The following TENM4 variants were observed in gnomAD, a reference collection of about 807,000 sequenced individuals.
TENM4 encodes teneurin transmembrane protein 4, also known as teneurin-4.
Under a neutral mutation model 243.3 loss-of-function variants are expected in TENM4, and 82 were observed. The ratio of observed to expected loss-of-function variants is 0.34; its 90% CI spans 0.28 to 0.40. The LOEUF is 0.40. TENM4 is among the 10% of genes least tolerant of loss of function. The pLI is 1.00. For missense variants in TENM4, 3,138 were observed against 3,673.3 expected (o/e 0.85, Z 3.77); for synonymous variants, 1,412 against 1,456.3 (o/e 0.97, Z 0.69).
intron 1 of TENM4, among the ~76,000 whole-genome samples, chr11:79,348,278 C>G (rs1857362135): frequency 6.6e-6 from 1 of 152,172 alleles, no homozygotes; most frequent in Non-Finnish European, 1.5e-5. Context: ...GTGTGCAGTA[C>G]TGCCATGGTG....
intron 6 of TENM4, among the ~76,000 whole-genome samples, chr11:78,996,930 G>A (rs775007255): frequency 1.3e-5 from 2 of 152,090 alleles, no homozygotes; most frequent in Non-Finnish European, 2.9e-5. Flanking sequence ...CAAGGGGTGC[G>A]ATGTGAAGGT....
At chr11:78,935,756 T>A (rs1381283403) in intron 6 of TENM4, among the ~76,000 whole-genome samples, 1 of 152,200 alleles carries the variant, frequency 6.6e-6, no homozygotes, top group Non-Finnish European at 1.5e-5. Flanking sequence ...GTAGGAACCA[T>A]CAACTTGACA....
intron 19 of TENM4, among the ~76,000 whole-genome samples, chr11:78,752,386 C>T (rs997232623): frequency 1.3e-5 from 2 of 152,154 alleles, no homozygotes; most frequent in African/African-American, 4.8e-5. Flanking sequence ...ATTCCCCTCC[C>T]TCCTCTGGTC....
At chr11:78,724,029 C>T (rs537134197) in intron 23 of TENM4, among the ~76,000 whole-genome samples, 1 of 151,232 alleles carries the variant, frequency 6.6e-6, no homozygotes, top group African/African-American at 2.4e-5. Context: ...CCCTCCTTCC[C>T]TCCCTTCCTT....
chr11:79,006,226 C>T (rs1240941489), intron 6 of TENM4, among the ~76,000 whole-genome samples: 1 of 152,148 alleles, frequency 6.6e-6, no homozygotes, highest in Non-Finnish European at 1.5e-5. Context: ...ACCCCCTACT[C>T]AGTACCTCCC....
chr11:79,104,869 C>T (rs1032117498), intron 4 of TENM4, among the ~76,000 whole-genome samples: 1 of 152,202 alleles, frequency 6.6e-6, no homozygotes, highest in Admixed American at 6.5e-5. Context: ...GTGGGCTCAT[C>T]TCCATCCCTT....
intron 9 of TENM4, among the ~76,000 whole-genome samples, chr11:78,879,616 C>T (rs190688952): frequency 3.0e-4 from 43 of 141,050 alleles, no homozygotes; most frequent in African/African-American, 1.1e-3. Context: ...TCTGCCCGGC[C>T]GCCCCGTCTG....
chr11:79,021,621 A>T (rs1267011655), intron 6 of TENM4: 1 of 152,338 alleles, frequency 6.6e-6, no homozygotes, highest in African/African-American at 2.4e-5. Context: ...CTGCCTTTAG[A>T]GGCCAGAAAG....
intron 2 of TENM4, among the ~76,000 whole-genome samples, chr11:79,276,516 C>T (rs1027853782): frequency 1.3e-4 from 20 of 152,184 alleles, no homozygotes. Context: ...AGAGCTGCTG[C>T]TAGGGATACA....
In TENM4 at chr11:78,676,304, T is replaced by C; in HGVS notation, c.5344A>G (p.Thr1782Ala). The C allele has an allele frequency of 2.5e-6, 4 of 1,612,622 alleles. No homozygotes were observed. Among genetic ancestry groups the C allele is most frequent in the African/African-American group, 1.3e-5 (1 of 75,006 alleles). Residue 1782 changes from threonine to alanine, a missense_variant, in exon 30 of 34, where the codon ACT (threonine) becomes GCT (alanine). By Grantham distance (58) the Thr-to-Ala change is moderately conservative (BLOSUM62 0). This residue lies in a region of TENM4 where 2,467 missense variants were observed against 3,059.1 expected (regional missense o/e 0.81). Transcript: ENST00000278550. Reference protein sequence around the residue: ...LANGMEVALQTEPHLLAGTVN... With the variant: ...LANGMEVALQAEPHLLAGTVN... Reference sequence around the variant, plus strand: ...GTGCCAGCCAGCAAGTGGGGCTCAGTCTGCAGCGCCACCTCCATGCCGTTG... The same window carrying C: ...GTGCCAGCCAGCAAGTGGGGCTCAGCCTGCAGCGCCACCTCCATGCCGTTG...
chr11:79,299,087 TAC>T (rs1856509213), intron 1 of TENM4, among the ~76,000 whole-genome samples: 1 of 141,440 alleles, frequency 7.1e-6, no homozygotes, highest in East Asian at 2.1e-4. Flanking sequence ...CACACACACA[TAC>T]ACACACACAT....
chr11:79,262,415 G>A (rs964170428), intron 2 of TENM4, among the ~76,000 whole-genome samples: 1 of 152,180 alleles, frequency 6.6e-6, no homozygotes. Context: ...AAAACATCTG[G>A]CTCAGGGTAG....
chr11:79,216,365 C>T (rs910688492), intron 2 of TENM4, among the ~76,000 whole-genome samples: 1 of 152,216 alleles, frequency 6.6e-6, no homozygotes, highest in African/African-American at 2.4e-5. Flanking sequence ...AGGAATGCAA[C>T]ATGGGGCTAA....
intron 25 of TENM4, among the ~76,000 whole-genome samples, chr11:78,715,716 A>G (rs148437586): frequency 6.6e-5 from 10 of 152,344 alleles, no homozygotes; most frequent in Non-Finnish European, 1.0e-4. Context: ...TTAGCTGTCG[A>G]ATGACTAAGT....
intron 2 of TENM4, among the ~76,000 whole-genome samples, chr11:79,273,512 C>A (rs978110697): frequency 4.6e-5 from 7 of 152,306 alleles, no homozygotes; most frequent in African/African-American, 1.4e-4. Context: ...AGGCCAACCA[C>A]TTTCCTTACA....
At chr11:79,288,055 C>T (rs1856288175) in intron 2 of TENM4, among the ~76,000 whole-genome samples, 1 of 152,202 alleles carries the variant, frequency 6.6e-6, no homozygotes, top group South Asian at 2.1e-4. Flanking sequence ...GACCTCTCTA[C>T]CAAATACCTC....
rs531505040 is a variant in TENM4 at position 79,002,301 on chromosome 11, C to T, written c.493+62437G>A. On this transcript the variant is annotated intron_variant, in intron 6 of 33. Coordinates refer to ENST00000278550, the MANE Select transcript of TENM4 (RefSeq NM_001098816.3). ...ACTCCTGTGAGTACTCTGCCCCAGCCAACACATGGGTACCCTGCCATGCTG... is the reference window on the plus strand; with the variant it reads ...ACTCCTGTGAGTACTCTGCCCCAGCTAACACATGGGTACCCTGCCATGCTG... 1.1e-4 allele frequency among the ~76,000 whole-genome samples: 16 copies of T among 152,358 alleles called. No homozygotes were observed. The South Asian group carries it at 3.3e-3, about 32-fold the overall frequency.
chr11:79,134,421 C>T (rs977262355), intron 4 of TENM4, among the ~76,000 whole-genome samples: 3 of 152,194 alleles, frequency 2.0e-5, no homozygotes, highest in Middle Eastern at 3.4e-3. Context: ...ATCATACTGC[C>T]AAAAGCAATC....
chr11:79,223,868 G>A lies in TENM4; in HGVS notation c.-264-7959C>T, dbSNP rs1590807023. On this transcript the variant is annotated intron_variant, in intron 2 of 33. Coordinates refer to ENST00000278550, the MANE Select transcript of TENM4 (RefSeq NM_001098816.3). ...GTGGGTTGTGACAGTCATAGGTGCT[G>A]TGCGTCAATTATTTCTGGCTCTCTA... Among the ~76,000 whole-genome samples the A allele has an allele frequency of 3.3e-5, 5 of 152,302 alleles. No homozygotes were observed. In the South Asian group the frequency reaches 1.0e-3, roughly 32 times the overall value.
Sources: allele counts gnomAD v4.1 joint callset (sites outside exome capture counted in the v4.1 genomes callset), GRCh38; gene constraint gnomAD v4.1.1; regional missense constraint gnomAD v4.1.1; transcripts MANE v1.5; gene names NCBI Gene and HGNC (gene_info 2026-07-23, HGNC 2026-07-21).